Variants in MAN2A1 observed in about 807,000 individuals in gnomAD.
The protein encoded by MAN2A1 is mannosidase alpha class 2A member 1.
In MAN2A1, 76 loss-of-function variants were observed where a neutral mutation model predicts 142.6. The observed-to-expected ratio is 0.53, with a 90% CI of 0.44 to 0.65. MAN2A1 has a LOEUF of 0.65. MAN2A1 is among the 30% of genes least tolerant of loss of function. The pLI is 0.00. For missense variants in MAN2A1, 1,311 were observed against 1,365.1 expected (o/e 0.96, Z 0.62); for synonymous variants, 559 against 473.2 (o/e 1.18, Z -2.35).
rs1754570962 is a variant in MAN2A1, at chr5:109,819,726, T to A, written c.2167T>A (p.Ser723Thr). The A allele has an allele frequency of 3.7e-6, 6 of 1,612,680 alleles. No individual in the cohort carries two copies. The highest frequency in any genetic ancestry group is 5.1e-6 in the Non-Finnish European group (6 of 1,179,408). ...LGLKVYKILE[S>T]ASSNSHLADY... ...ACTGAAAGTGTATAAGATTTTGGAA[T>A]CAGCAAGTTCAAATTCACATTTAGC... is the stretch of plus-strand genomic sequence containing the variant. The change falls in exon 14 of 22, where the codon TCA becomes ACA. Residue 723 changes from serine to threonine, a missense_variant. By Grantham distance (58) the Ser-to-Thr change is moderately conservative (BLOSUM62 1). Coordinates refer to ENST00000261483, the MANE Select transcript of MAN2A1 (RefSeq NM_002372.4).
chr5:109,725,449 G>T (rs1250568769), intron 3 of MAN2A1, among the ~76,000 whole-genome samples: 1 of 152,214 alleles, frequency 6.6e-6, no homozygotes, highest in African/African-American at 2.4e-5. Context: ...GCTAGAGAGG[G>T]TCGGTCCCAT....
chr5:109,765,038 A>T (rs972733013), intron 5 of MAN2A1, among the ~76,000 whole-genome samples: 1 of 152,126 alleles, frequency 6.6e-6, no homozygotes, highest in African/African-American at 2.4e-5. Flanking sequence ...GGACACTTTT[A>T]TACGTAAATA....
At chr5:109,729,613 A>G in intron 4 of MAN2A1, 100 bp downstream of exon 4, 1 of 633,354 alleles carries the variant, frequency 1.6e-6, no homozygotes, top group East Asian at 3.1e-5. Flanking sequence ...TTAGCTTTAT[A>G]TTTGAAACTT....
intron 12 of MAN2A1, among the ~76,000 whole-genome samples, chr5:109,799,179 C>T (rs977932582): frequency 5.9e-5 from 9 of 152,264 alleles, no homozygotes; most frequent in East Asian, 1.9e-4. Flanking sequence ...TGGGACCTAG[C>T]GCTTAGCAGG....
chr5:109,726,308 A>C (rs901015366), intron 3 of MAN2A1, among the ~76,000 whole-genome samples: 2 of 152,170 alleles, frequency 1.3e-5, no homozygotes, highest in Non-Finnish European at 2.9e-5. Flanking sequence ...TTTTACAGTA[A>C]TTTAGAAAAC....
chr5:109,740,533 C>T (rs1272655595), intron 4 of MAN2A1, among the ~76,000 whole-genome samples: 1 of 150,590 alleles, frequency 6.6e-6, no homozygotes, highest in Non-Finnish European at 1.5e-5. Flanking sequence ...ATGCTTGGCT[C>T]TCTCCCAGCA....
chr5:109,788,714 T>A (rs529133907), intron 10 of MAN2A1, among the ~76,000 whole-genome samples: 19 of 151,792 alleles, frequency 1.3e-4, no homozygotes, highest in Non-Finnish European at 2.2e-4. Flanking sequence ...TTCAGGTGTG[T>A]CCAGAAAGCT....
chr5:109,829,536 C>G (rs1333887960), intron 16 of MAN2A1, among the ~76,000 whole-genome samples: 2 of 152,222 alleles, frequency 1.3e-5, no homozygotes, highest in Non-Finnish European at 2.9e-5. Flanking sequence ...CTTGGCCAGT[C>G]TTCTTTTGCT....
chr5:109,701,799 G>A (rs1271303844), intron 1 of MAN2A1, among the ~76,000 whole-genome samples: 1 of 152,196 alleles, frequency 6.6e-6, no homozygotes, highest in African/African-American at 2.4e-5. Context: ...TGAGTGGCTT[G>A]AATCAGAAAA....
chr5:109,789,875 C>T (rs1161306911), intron 12 of MAN2A1, among the ~76,000 whole-genome samples: 1 of 151,582 alleles, frequency 6.6e-6, no homozygotes, highest in Non-Finnish European at 1.5e-5. Flanking sequence ...TTTCATTAAT[C>T]CCTGATCCTA....
chr5:109,733,231 G>A lies in MAN2A1; in HGVS notation c.707+3718G>A, dbSNP rs963848873. On this transcript the variant is annotated intron_variant, in intron 4 of 21. Transcript: ENST00000261483. ...TTGATTTTGTATCCTGAGACTTGCTGAAGTTGCTTATCAGCTTAAGGAGAT... is the reference window on the plus strand; with the variant it reads ...TTGATTTTGTATCCTGAGACTTGCTAAAGTTGCTTATCAGCTTAAGGAGAT... Among the ~76,000 whole-genome samples the A allele has an allele frequency of 5.0e-3, 763 of 152,310 alleles. 7 individuals carry two copies. The highest frequency in any genetic ancestry group is 0.017 in the African/African-American group (719 of 41,558).
chr5:109,736,509 C>T (rs914183919), intron 4 of MAN2A1, among the ~76,000 whole-genome samples: 3 of 151,832 alleles, frequency 2.0e-5, no homozygotes, highest in African/African-American at 7.3e-5. Flanking sequence ...TGGGCAAGAC[C>T]GGAACTCTAA....
chr5:109,835,238 A>G (rs986299552), intron 16 of MAN2A1, among the ~76,000 whole-genome samples: 12 of 152,212 alleles, frequency 7.9e-5, no homozygotes, highest in Non-Finnish European at 1.6e-4. Flanking sequence ...CCCATATTGA[A>G]GAGGGAATAT....
intron 16 of MAN2A1, among the ~76,000 whole-genome samples, chr5:109,838,202 C>T (rs941467872): frequency 3.9e-5 from 6 of 152,122 alleles, no homozygotes; most frequent in Non-Finnish European, 7.4e-5. Context: ...TCTGTTCTAC[C>T]TTGCGTTGCC....
intron 5 of MAN2A1, among the ~76,000 whole-genome samples, chr5:109,756,497 T>G (rs1752693885): frequency 6.6e-6 from 1 of 152,210 alleles, no homozygotes; most frequent in South Asian, 2.1e-4. Context: ...TATTTTTTCT[T>G]TACTTTTTAT....
At position 109,742,886 on chromosome 5, in the gene MAN2A1, A is replaced by G. The variant is rs148167597; in HGVS notation, c.708-12443A>G. Among the ~76,000 whole-genome samples, 775 of 152,268 alleles carry G rather than the reference A, an allele frequency of 5.1e-3. 8 individuals carry two copies. Among genetic ancestry groups the G allele is most frequent in the African/African-American group, 0.018 (736 of 41,560 alleles). On this transcript the variant is annotated intron_variant, in intron 4 of 21. Coordinates refer to ENST00000261483, the MANE Select transcript of MAN2A1 (RefSeq NM_002372.4). The stretch of plus-strand genomic sequence containing the variant: ...TTTAGAAAGCATATGTTCTATCCCT[A>G]CCTTTTCAATTCCAGTTCGTCTTGA...
intron 12 of MAN2A1, among the ~76,000 whole-genome samples, chr5:109,793,993 T>C (rs1753799711): frequency 6.6e-6 from 1 of 152,214 alleles, no homozygotes; most frequent in African/African-American, 2.4e-5. Flanking sequence ...GTTATCAATA[T>C]ATTTTTATAC....
At chr5:109,777,525 C>A (rs1346969822) in intron 8 of MAN2A1, among the ~76,000 whole-genome samples, 1 of 151,940 alleles carries the variant, frequency 6.6e-6, no homozygotes, top group Non-Finnish European at 1.5e-5. Context: ...TGCATTTTCA[C>A]TTTCTCATGC....
intron 8 of MAN2A1, among the ~76,000 whole-genome samples, chr5:109,779,223 CTGCTCTGGGACA>C (rs1753380024): frequency 6.6e-6 from 1 of 152,146 alleles, no homozygotes; most frequent in African/African-American, 2.4e-5. Context: ...CTTATCTAAA[CTGCTCTGGGACA>C]TTGCCAAGAA....
Sources: gnomAD v4.1 joint callset for allele counts (sites outside exome capture counted in the v4.1 genomes callset) on GRCh38, gnomAD v4.1.1 for gene constraint, MANE v1.5 for transcripts, NCBI Gene and HGNC (gene_info 2026-07-23, HGNC 2026-07-21) for gene names.